Variants in CDKN2C observed in about 807,000 individuals in gnomAD.
The protein encoded by CDKN2C is cyclin dependent kinase inhibitor 2C.
In CDKN2C, 5 loss-of-function variants were observed where a neutral mutation model predicts 11.0. That is an observed-to-expected ratio of 0.45 (90% CI 0.24 to 0.95). CDKN2C has a LOEUF of 0.95. Ranked by LOEUF, CDKN2C falls within the 40% of genes least tolerant of loss-of-function variation. The pLI, the probability that CDKN2C is intolerant of heterozygous loss-of-function variation, is 0.21. For synonymous variants in CDKN2C, 79 were observed against 88.3 expected, an observed-to-expected ratio of 0.89 and a Z score of 0.59; for missense variants, 161 against 211.9, an observed-to-expected ratio of 0.76 and a Z score of 1.49.
chr1:50,966,263 G>C (rs1000900313), upstream of CDKN2C, among the ~76,000 whole-genome samples: 1 of 151,786 alleles, frequency 6.6e-6, no homozygotes, highest in Non-Finnish European at 1.5e-5. Context: ...GGCTGGTCTC[G>C]AACTCCTGAC....
At chr1:50,968,318 T>G (rs1380195282), upstream of CDKN2C, 2 of 152,432 alleles carry the variant, frequency 1.3e-5, no homozygotes, top group Non-Finnish European at 2.9e-5. Flanking sequence ...CAGCTCGCTG[T>G]CCGCCTTCCC....
upstream of CDKN2C, among the ~76,000 whole-genome samples, chr1:50,965,456 C>T (rs1645343639): frequency 6.6e-6 from 1 of 151,994 alleles, no homozygotes; most frequent in Admixed American, 6.6e-5. Flanking sequence ...GGGATCGCGC[C>T]ACTGCACTCC....
At position 50,974,402 on chromosome 1, in the gene CDKN2C, G is replaced by C. The variant is rs954935650; in HGVS notation, c.*132G>C. 2.3e-6 allele frequency: 2 copies of C among 863,144 alleles called. No homozygotes were observed. The highest frequency in any genetic ancestry group is 1.7e-5 in the African/African-American group (1 of 59,274). 53.5% of individuals were successfully genotyped at this position (863,144 alleles called of 1,614,324 possible). ...AGCTAAATTTTCTGAAACTGCATAA[G>C]TGAAAATCTTACAACAGGCTTATGA... On this transcript the variant is annotated 3_prime_UTR_variant, in exon 2 of 2. Coordinates refer to ENST00000371761, the MANE Select transcript of CDKN2C (RefSeq NM_078626.3).
chr1:50,964,410 A>G (rs1645337614), intron 1 of CDKN2C, among the ~76,000 whole-genome samples: 1 of 152,224 alleles, frequency 6.6e-6, no homozygotes, highest in African/African-American at 2.4e-5. Context: ...TTGTTACATC[A>G]TATCAAGGCC....
chr1:50,962,252 C>T (rs886506786), intron 1 of CDKN2C, among the ~76,000 whole-genome samples: 1 of 152,188 alleles, frequency 6.6e-6, no homozygotes, highest in Non-Finnish European at 1.5e-5. Flanking sequence ...GGCATGGTGG[C>T]ATATGCCTGT....
intron 1 of CDKN2C, among the ~76,000 whole-genome samples, 155 bp from the exon 2 acceptor site, chr1:50,973,738 C>T (rs1457869598): frequency 6.6e-6 from 1 of 152,174 alleles, no homozygotes; most frequent in Non-Finnish European, 1.5e-5. Context: ...TAGCACTTTT[C>T]TGCATTTGAC....
chr1:50,967,083 A>C (rs1012698156), upstream of CDKN2C, among the ~76,000 whole-genome samples: 1 of 152,204 alleles, frequency 6.6e-6, no homozygotes, highest in Non-Finnish European at 1.5e-5. Context: ...TTTACAATTT[A>C]TCTCTAAGCA....
intron 1 of CDKN2C, among the ~76,000 whole-genome samples, chr1:50,964,719 G>A (rs1242173836): frequency 1.3e-5 from 2 of 152,136 alleles, no homozygotes; most frequent in Non-Finnish European, 1.5e-5. Flanking sequence ...CTGAAATACG[G>A]GGATTATTAT....
intron 1 of CDKN2C, among the ~76,000 whole-genome samples, chr1:50,962,036 C>T (rs1570197083): frequency 6.6e-6 from 1 of 152,216 alleles, no homozygotes; most frequent in East Asian, 1.9e-4. Context: ...GATAATAGAA[C>T]CCTCCACAGT....
Position 50,974,179 on chromosome 1 carries a change from C to A in CDKN2C, c.416C>A (p.Thr139Asn). ...GGGCATCGGAACCATAAGGGGGACA[C>A]CGCCTGTGATTTGGCCAGGCTCTAT... ...NVGHRNHKGD[T>N]ACDLARLYGR... Residue 139 changes from threonine (T) to asparagine (N), a missense_variant, in exon 2 of 2, where the codon ACC (threonine) becomes AAC (asparagine). By Grantham distance (65) the Thr-to-Asn change is moderately conservative. Transcript: ENST00000371761. 6.2e-7 allele frequency: 1 copy of A among 1,613,294 alleles called. No individual in the cohort carries two copies. The highest frequency in any genetic ancestry group is 8.5e-7 in the Non-Finnish European group (1 of 1,179,350).
intron 1 of CDKN2C, among the ~76,000 whole-genome samples, chr1:50,962,811 C>T (rs1226498695): frequency 2.0e-5 from 3 of 152,196 alleles, no homozygotes; most frequent in Non-Finnish European, 4.4e-5. Flanking sequence ...CAGCTACTCA[C>T]AGGACTATTT....
upstream of CDKN2C, among the ~76,000 whole-genome samples, chr1:50,966,755 C>T (rs1645348860): frequency 6.6e-6 from 1 of 150,420 alleles, no homozygotes; most frequent in African/African-American, 2.4e-5. Context: ...AAAAAAAAAA[C>T]CTTTGCCAAA....
chr1:50,973,656 A>G (rs1645391712), intron 1 of CDKN2C, among the ~76,000 whole-genome samples: 1 of 152,162 alleles, frequency 6.6e-6, no homozygotes, highest in Non-Finnish European at 1.5e-5. Flanking sequence ...AATTTATCCT[A>G]CTTTTGGGCC....
chr1:50,970,061 G>A (rs1265553551), upstream of CDKN2C: 1 of 473,548 alleles, frequency 2.1e-6, no homozygotes, highest in East Asian at 3.7e-5. Context: ...CATTAACCAG[G>A]AATGTATGTG....
In CDKN2C at chr1:50,974,045, T is replaced by C; in HGVS notation, c.282T>C (p.Ala94=). 1 of 1,614,216 alleles carries C rather than the reference T, an allele frequency of 6.2e-7. No individual in the cohort carries two copies. The change falls in exon 2 of 2, where the codon GCT becomes GCC. Residue 94 remains alanine, a synonymous_variant. Coordinates refer to ENST00000371761, the MANE Select transcript of CDKN2C (RefSeq NM_078626.3). ...TACAGACTTTGCTGGAGTTTCAAGC[T>C]GATGTTAACATCGAGGATAATGAAG... ...DTLQTLLEFQ[A]DVNIEDNEGN... is the part of the protein sequence containing the mutation.
chr1:50,969,997 A>G (rs974168506), upstream of CDKN2C: 22 of 380,706 alleles, frequency 5.8e-5, no homozygotes, highest in African/African-American at 4.4e-4. The surrounding 1 kb of genome is among the most constrained non-coding windows in gnomAD (Gnocchi z 6.6). Context: ...CACTCCTCAC[A>G]GAGATCTGTA....
At chr1:50,963,337 C>A (rs1472224894) in intron 1 of CDKN2C, among the ~76,000 whole-genome samples, 1 of 152,210 alleles carries the variant, frequency 6.6e-6, no homozygotes, top group African/African-American at 2.4e-5. Context: ...ATAGCAAAGT[C>A]TTGTGAACAT....
rs1348544322 is a variant in CDKN2C at position 50,973,925 on chromosome 1, G to C, written c.162G>C (p.Arg54Ser). Residue 54 changes from arginine to serine, a missense_variant, in exon 2 of 2, where the codon AGG becomes AGC. Coordinates refer to ENST00000371761, the MANE Select transcript of CDKN2C (RefSeq NM_078626.3). ...AACTTGGAAATCCCGAGATTGCCAG[G>C]AGACTGCTACTTAGAGGTGCTAATC... Reference protein sequence around the residue: ...VMKLGNPEIARRLLLRGANPD... With the variant: ...VMKLGNPEIASRLLLRGANPD... 6.2e-7 allele frequency: 1 copy of C among 1,614,176 alleles called. No individual in the cohort carries two copies. Among genetic ancestry groups the C allele is most frequent in the African/African-American group, 1.3e-5 (1 of 75,040 alleles).
chr1:50,973,834 T>C, intron 1 of CDKN2C, 59 bp from the exon 2 acceptor site: 2 of 1,588,862 alleles, frequency 1.3e-6, no homozygotes, highest in Admixed American at 3.3e-5. Context: ...GCAGATATTT[T>C]AAAATATCTC....
Sources: allele counts gnomAD v4.1 joint callset (sites outside exome capture counted in the v4.1 genomes callset), GRCh38; gene constraint gnomAD v4.1.1; non-coding constraint Gnocchi (gnomAD v3.1); transcripts MANE v1.5; gene names NCBI Gene and HGNC (gene_info 2026-07-23, HGNC 2026-07-21).